KLHL29: variants seen among roughly 807,000 people sequenced by gnomAD.
KLHL29 encodes kelch like family member 29.
Under a neutral mutation model 80.4 loss-of-function variants are expected in KLHL29, and 21 were observed. The ratio of observed to expected loss-of-function variants is 0.26; its 90% CI spans 0.19 to 0.38. The LOEUF (loss-of-function observed/expected upper bound fraction) is 0.38, where lower values mean the gene tolerates loss of function less well. Ranked by LOEUF, KLHL29 falls within the 10% of genes least tolerant of loss-of-function variation. The pLI is 1.00. For synonymous variants in KLHL29, 511 were observed against 526.8 expected (o/e 0.97, Z 0.41); for missense variants, 867 against 1,223.9 (o/e 0.71, Z 4.35).
chr2:23,625,709 T>C (rs199810792), intron 3 of KLHL29, among the ~76,000 whole-genome samples: 1 of 152,236 alleles, frequency 6.6e-6, no homozygotes, highest in South Asian at 2.1e-4. Context: ...GTGGATCTTA[T>C]GGACTGAATT....
chr2:23,394,997 T>G (rs1427607197), intron 1 of KLHL29, among the ~76,000 whole-genome samples: 1 of 152,218 alleles, frequency 6.6e-6, no homozygotes, highest in East Asian at 1.9e-4. Context: ...GTAACATCAA[T>G]GGTTATTTCT....
At chr2:23,589,061 T>C (rs1668189123) in intron 3 of KLHL29, among the ~76,000 whole-genome samples, 1 of 152,372 alleles carries the variant, frequency 6.6e-6, no homozygotes, top group South Asian at 2.1e-4. Flanking sequence ...ATGCGTCTTA[T>C]TCATTCTTCT....
intron 3 of KLHL29, among the ~76,000 whole-genome samples, chr2:23,573,597 C>T (rs556120521): frequency 1.1e-4 from 17 of 152,318 alleles, no homozygotes; most frequent in African/African-American, 3.4e-4. Flanking sequence ...CACAGACTCC[C>T]CACAGAACAG....
At chr2:23,701,669 TG>T (rs757183173) in intron 11 of KLHL29, among the ~76,000 whole-genome samples, 2 of 83,038 alleles carry the variant, frequency 2.4e-5, no homozygotes, top group Non-Finnish European at 5.7e-5. Flanking sequence ...GCCATAATCA[TG>T]CCACTCACTG....
chr2:23,684,546 T>G lies in KLHL29; in HGVS notation c.1079+9T>G, dbSNP rs888372132. On this transcript the variant is annotated intron_variant, in intron 6 of 13. Coordinates refer to ENST00000486442, the MANE Select transcript of KLHL29 (RefSeq NM_052920.2). The surrounding 1 kb of genome is among the most constrained non-coding windows in gnomAD (Gnocchi z 4.4). The stretch of plus-strand genomic sequence containing the variant: ...AAGGACCTGATTCAAAGGTTTGCCT[T>G]CCTTCCAGCTGTGGTCGGGTCTGTT... 13 of 1,543,000 alleles carry G rather than the reference T, an allele frequency of 8.4e-6. No individual in the cohort carries two copies. Among genetic ancestry groups the G allele is most frequent in the Non-Finnish European group, 9.6e-6 (11 of 1,144,218 alleles).
chr2:23,488,514 T>A (rs1664998081), intron 2 of KLHL29, among the ~76,000 whole-genome samples: 1 of 152,188 alleles, frequency 6.6e-6, no homozygotes, highest in African/African-American at 2.4e-5. Context: ...CCAGCTCCTG[T>A]GTCTGGGGAA....
At chr2:23,410,800 A>C (rs1248260807) in intron 1 of KLHL29, among the ~76,000 whole-genome samples, 1 of 151,940 alleles carries the variant, frequency 6.6e-6, no homozygotes, top group Non-Finnish European at 1.5e-5. Flanking sequence ...AATAAAAGAG[A>C]CGTAAACACG....
intron 5 of KLHL29, among the ~76,000 whole-genome samples, chr2:23,654,446 T>G (rs1670176427): frequency 6.6e-6 from 1 of 152,206 alleles, no homozygotes; most frequent in Non-Finnish European, 1.5e-5. Context: ...AATTGATTGA[T>G]CCAAAAATAA....
intron 8 of KLHL29, among the ~76,000 whole-genome samples, chr2:23,694,813 C>T (rs576865845): frequency 2.6e-4 from 40 of 152,328 alleles, no homozygotes; most frequent in African/African-American, 8.9e-4. Flanking sequence ...ATTCCCTCTG[C>T]AAAACCTCTT....
intron 3 of KLHL29, among the ~76,000 whole-genome samples, chr2:23,637,016 C>G (rs1669630390): frequency 6.6e-6 from 1 of 152,114 alleles, no homozygotes; most frequent in Admixed American, 6.5e-5. Flanking sequence ...TCTGCAGCCT[C>G]TTGCCTGGGA....
intron 3 of KLHL29, among the ~76,000 whole-genome samples, chr2:23,598,471 C>T (rs1668484808): frequency 6.6e-6 from 1 of 152,218 alleles, no homozygotes. Context: ...CAAACACACA[C>T]ACACCTGCCC....
chr2:23,592,325 C>G (rs1357627793), intron 3 of KLHL29, among the ~76,000 whole-genome samples: 2 of 152,232 alleles, frequency 1.3e-5, no homozygotes, highest in Non-Finnish European at 2.9e-5. Context: ...GTTGCCCACC[C>G]AAAGCTCCAG....
At position 23,472,491 on chromosome 2, in the gene KLHL29, G is replaced by A. The variant is rs550779765; in HGVS notation, c.-153-3069G>A. ...TCTACTAAAAATACAAAAATTAGCC[G>A]GGCATGGCGGCGTGTGCCTGTAGTC... On this transcript the variant is annotated intron_variant, in intron 1 of 13. Coordinates refer to ENST00000486442, the MANE Select transcript of KLHL29 (RefSeq NM_052920.2). Among the ~76,000 whole-genome samples, 11 of 152,278 alleles carry A rather than the reference G, an allele frequency of 7.2e-5. No homozygotes were observed. In the South Asian group the frequency reaches 1.2e-3, roughly 17 times the overall value.
intron 2 of KLHL29, among the ~76,000 whole-genome samples, chr2:23,493,593 C>G (rs1285583365): frequency 6.6e-6 from 1 of 152,032 alleles, no homozygotes; most frequent in Non-Finnish European, 1.5e-5. Flanking sequence ...TTAAATATGA[C>G]TCTATTCGAA....
At chr2:23,585,231 G>A (rs890444779) in intron 3 of KLHL29, among the ~76,000 whole-genome samples, 5 of 152,182 alleles carry the variant, frequency 3.3e-5, no homozygotes, top group African/African-American at 1.2e-4. Flanking sequence ...CCACGTGCTC[G>A]GCAACATGGC....
intron 1 of KLHL29, among the ~76,000 whole-genome samples, chr2:23,411,011 C>T (rs565683795): frequency 2.0e-4 from 31 of 152,240 alleles, no homozygotes; most frequent in African/African-American, 7.0e-4. Flanking sequence ...ATACCTTGCC[C>T]CTTAAATTAC....
intron 1 of KLHL29, among the ~76,000 whole-genome samples, chr2:23,403,648 T>C (rs1666646928): frequency 6.6e-6 from 1 of 150,804 alleles, no homozygotes; most frequent in Non-Finnish European, 1.5e-5. Flanking sequence ...AATTTATTAA[T>C]AATAATGATG....
At chr2:23,634,502 GATTCA>G (rs1669557055) in intron 3 of KLHL29, among the ~76,000 whole-genome samples, 1 of 152,118 alleles carries the variant, frequency 6.6e-6, no homozygotes, top group East Asian at 1.9e-4. Context: ...AGGCTTCATT[GATTCA>G]CCCTCTTCTG....
chr2:23,621,953 T>C (rs1278877680), intron 3 of KLHL29, among the ~76,000 whole-genome samples: 1 of 152,152 alleles, frequency 6.6e-6, no homozygotes, highest in Non-Finnish European at 1.5e-5. Flanking sequence ...TAAATGTATG[T>C]AAGAACAGGA....
Sources: allele counts gnomAD v4.1 joint callset (sites outside exome capture counted in the v4.1 genomes callset), GRCh38; gene constraint gnomAD v4.1.1; non-coding constraint Gnocchi (gnomAD v3.1); transcripts MANE v1.5; gene names NCBI Gene and HGNC (gene_info 2026-07-23, HGNC 2026-07-21).